The following SLC45A3 variants were observed in gnomAD, a reference collection of about 807,000 sequenced individuals.
The protein encoded by SLC45A3 is solute carrier family 45 member 3.
SLC45A3 carries 17 observed loss-of-function variants against 35.3 expected under a neutral mutation model. The ratio of observed to expected loss-of-function variants is 0.48; its 90% CI spans 0.33 to 0.72. The LOEUF (loss-of-function observed/expected upper bound fraction) is 0.72, where lower values mean the gene tolerates loss of function less well. Among genes scored for constraint, SLC45A3 ranks in the 30% least tolerant of loss-of-function variants. SLC45A3 has a pLI of 0.02. For synonymous variants in SLC45A3, 288 were observed against 334.3 expected, an observed-to-expected ratio of 0.86 and a Z score of 1.51; for missense variants, 597 against 731.7, an observed-to-expected ratio of 0.82 and a Z score of 2.12.
intron 1 of SLC45A3, among the ~76,000 whole-genome samples, chr1:205,665,761 C>G (rs1671108658): frequency 1.3e-5 from 2 of 152,338 alleles, no homozygotes; most frequent in Admixed American, 6.5e-5. Context: ...AAGTCCCACA[C>G]CCCTTCCTGC....
At chr1:205,675,152 C>T (rs1671290001) in intron 1 of SLC45A3, among the ~76,000 whole-genome samples, 1 of 152,236 alleles carries the variant, frequency 6.6e-6, no homozygotes, top group Non-Finnish European at 1.5e-5. Context: ...TCTTCTTGGC[C>T]TCTCCGTTGC....
Position 205,662,164 on chromosome 1 carries a change from G to A in SLC45A3, c.959-38C>T. 1 of 1,589,350 alleles carries A rather than the reference G, an allele frequency of 6.3e-7. No homozygotes were observed. Among genetic ancestry groups the A allele is most frequent in the Non-Finnish European group, 8.6e-7 (1 of 1,166,814 alleles). ...AGGGGCCATCAGACAGAGCCTGGGA[G>A]GGAAGGGTCGGAGCAGTCTCAGGGA... On this transcript the variant is annotated intron_variant, in intron 3 of 4. Coordinates refer to ENST00000367145, the MANE Select transcript of SLC45A3 (RefSeq NM_033102.3). The surrounding 1 kb of genome is among the most constrained non-coding windows in gnomAD (Gnocchi z 6.2).
In SLC45A3 at chr1:205,662,982, G is replaced by A. The variant is rs1477401339; in HGVS notation, c.809C>T (p.Thr270Ile). The A allele has an allele frequency of 1.2e-6, 2 of 1,613,408 alleles. No individual in the cohort carries two copies. The highest frequency in any genetic ancestry group is 1.7e-6 in the Non-Finnish European group (2 of 1,179,828). ...LHQLCCRMPR[T>I]LRRLFVAELC... ...CTCAGCCACGAAGAGCCGGCGCAGG[G>A]TGCGGGGCATGCGGCAGCACAGCTG... Residue 270 changes from threonine to isoleucine, a missense_variant, in exon 3 of 5, where the codon ACC (threonine) becomes ATC (isoleucine). Thr to Ile is a moderately conservative substitution (Grantham distance 89, BLOSUM62 -1). Coordinates refer to ENST00000367145, the MANE Select transcript of SLC45A3 (RefSeq NM_033102.3). The surrounding 1 kb of genome is among the most constrained non-coding windows in gnomAD (Gnocchi z 6.2).
In SLC45A3 at chr1:205,664,558, G is replaced by C. The variant is rs145880163; in HGVS notation, c.99C>G (p.Ala33=). The change falls in exon 2 of 5, where the codon GCC becomes GCG. Residue 33 remains alanine, a synonymous_variant. Transcript: ENST00000367145. This position sits in a 1 kb window ranked among gnomAD's most constrained non-coding sequence, Gnocchi z 5.3. ...LLTFGLEVCL[A]AGITYVPPLL... ...GAGGCGGCACATAGGTGATGCCTGCGGCCAAACACACCTCCAGGCCAAAGG... is the reference window on the plus strand; with the variant it reads ...GAGGCGGCACATAGGTGATGCCTGCCGCCAAACACACCTCCAGGCCAAAGG... The C allele has an allele frequency of 6.2e-7, 1 of 1,614,206 alleles. No homozygotes were observed. The highest frequency in any genetic ancestry group is 1.7e-5 in the Admixed American group (1 of 60,034).
chr1:205,667,122 A>G (rs1048383756), intron 1 of SLC45A3, among the ~76,000 whole-genome samples: 2 of 152,202 alleles, frequency 1.3e-5, no homozygotes, highest in African/African-American at 4.8e-5. Context: ...TAATCTCAGC[A>G]CTTTGGGAGG....
chr1:205,661,819 C>T, intron 4 of SLC45A3, 42 bp downstream of exon 4: 1 of 1,577,800 alleles, frequency 6.3e-7, no homozygotes, highest in Non-Finnish European at 8.6e-7. Flanking sequence ...AAAACCCAGA[C>T]CACCCCTCCC....
intron 4 of SLC45A3, among the ~76,000 whole-genome samples, chr1:205,660,280 C>G (rs1184050469): frequency 6.6e-6 from 1 of 152,130 alleles, no homozygotes; most frequent in Non-Finnish European, 1.5e-5. Flanking sequence ...TGTCCCTCTT[C>G]CCACCTCCCC....
intron 1 of SLC45A3, among the ~76,000 whole-genome samples, chr1:205,678,944 T>A (rs1034305422): frequency 1.3e-5 from 2 of 152,078 alleles, no homozygotes; most frequent in Non-Finnish European, 2.9e-5. Flanking sequence ...TCCTGGGCCC[T>A]CCCACTCCCA....
chr1:205,671,669 G>A (rs1467262311), intron 1 of SLC45A3, among the ~76,000 whole-genome samples: 1 of 152,126 alleles, frequency 6.6e-6, no homozygotes, highest in African/African-American at 2.4e-5. Context: ...ACACCAGCCT[G>A]GCCAAAATGG....
In SLC45A3 at chr1:205,662,116, C is replaced by A. The variant is rs748429832; in HGVS notation, c.969G>T (p.Met323Ile). 6.2e-7 allele frequency: 1 copy of A among 1,612,562 alleles called. No individual in the cohort carries two copies. The highest frequency in any genetic ancestry group is 1.7e-5 in the Admixed American group (1 of 59,960). ...ARRHYDEGVR[M>I]GSLGLFLQCA... ...ACTGCAGGAACAGCCCCAGGCTGCC[C>A]ATCCGAACGCCTGCAGAGGGAGAGG... is the stretch of plus-strand genomic sequence containing the variant. The change falls in exon 4 of 5, where the codon ATG becomes ATT. Residue 323 changes from methionine to isoleucine, a missense_variant. Physicochemically the swap from Met to Ile is conservative, Grantham distance 10 (BLOSUM62 1). Around this residue, in one of 3 missense-constraint regions of SLC45A3, gnomAD observed 555 missense variants for 664.9 expected, o/e 0.83. Transcript: ENST00000367145. The surrounding 1 kb of genome is among the most constrained non-coding windows in gnomAD (Gnocchi z 6.2).
chr1:205,670,319 C>G (rs1284122891), intron 1 of SLC45A3, among the ~76,000 whole-genome samples: 1 of 152,158 alleles, frequency 6.6e-6, no homozygotes, highest in East Asian at 1.9e-4. Flanking sequence ...GACTCCCAAC[C>G]CACTCAGTCT....
Position 205,663,286 on chromosome 1 carries a change from T to C in SLC45A3, c.505A>G (p.Ser169Gly). ...AGGTAGCCCAGGCAGCCCCCAAGACTGATCATGAAGGCATAGACAGAGTAG... is the reference window on the plus strand; with the variant it reads ...AGGTAGCCCAGGCAGCCCCCAAGACCGATCATGAAGGCATAGACAGAGTAG... ...QAYSVYAFMI[S>G]LGGCLGYLLP... The change falls in exon 3 of 5, where the codon AGT becomes GGT. Residue 169 changes from serine (S) to glycine (G), a missense_variant. Physicochemically the swap from Ser to Gly is moderately conservative, Grantham distance 56 (BLOSUM62 0). Around this residue, in one of 3 missense-constraint regions of SLC45A3, gnomAD observed 555 missense variants for 664.9 expected, o/e 0.83. Coordinates refer to ENST00000367145, the MANE Select transcript of SLC45A3 (RefSeq NM_033102.3). 6.2e-7 allele frequency: 1 copy of C among 1,613,376 alleles called. No homozygotes were observed. Among genetic ancestry groups the C allele is most frequent in the East Asian group, 2.2e-5 (1 of 44,864 alleles).
intron 1 of SLC45A3, among the ~76,000 whole-genome samples, chr1:205,668,865 C>G (rs898877378): frequency 6.6e-6 from 1 of 152,096 alleles, no homozygotes; most frequent in African/African-American, 2.4e-5. Flanking sequence ...GGAGCTCTGC[C>G]CCAGGTCATC....
intron 4 of SLC45A3, 119 bp downstream of exon 4, chr1:205,661,742 C>G: frequency 7.1e-7 from 1 of 1,404,518 alleles, no homozygotes; most frequent in Non-Finnish European, 9.5e-7. Flanking sequence ...AGCTTCTTCT[C>G]TGATTCAAAG....
intron 1 of SLC45A3, among the ~76,000 whole-genome samples, chr1:205,671,729 A>G: frequency 6.6e-6 from 1 of 152,084 alleles, no homozygotes; most frequent in Admixed American, 6.6e-5. Context: ...GCCCAGACAT[A>G]GCGGCACATA....
rs576080957 is a variant in SLC45A3 at position 205,678,039 on chromosome 1, G to A, written c.-231+2355C>T. ...CAATATAGAAACTTTCTTTCTGGCC[G>A]GGTGCGGTGGCTCACACCTGTAATC... is the stretch of plus-strand genomic sequence containing the variant. On this transcript the variant is annotated intron_variant, in intron 1 of 4. Coordinates refer to ENST00000367145, the MANE Select transcript of SLC45A3 (RefSeq NM_033102.3). 7.2e-5 allele frequency among the ~76,000 whole-genome samples: 11 copies of A among 152,308 alleles called. No homozygotes were observed. In the South Asian group the frequency reaches 1.0e-3, roughly 14 times the overall value.
Position 205,663,112 on chromosome 1 carries a change from C to T in SLC45A3, c.679G>A (p.Glu227Lys), listed in dbSNP as rs745673426. Reference sequence around the variant, plus strand: ...GGGGCCGACAGCCCTTCTGCTGGCTCGGTGGGGCCCAGCGCTGCCTCCTCA... The same window carrying T: ...GGGGCCGACAGCCCTTCTGCTGGCTTGGTGGGGCCCAGCGCTGCCTCCTCA... The part of the protein sequence containing the change: ...VAEEAALGPT[E>K]PAEGLSAPSL... The change falls in exon 3 of 5, where the codon GAG (glutamate) becomes AAG (lysine). Residue 227 changes from glutamate (E) to lysine (K), a missense_variant. Physicochemically the swap from Glu to Lys is moderately conservative, Grantham distance 56. This residue lies in a region of SLC45A3 where 555 missense variants were observed against 664.9 expected (regional missense o/e 0.83). Transcript: ENST00000367145. 123 of 1,580,420 alleles carry T rather than the reference C, an allele frequency of 7.8e-5. No homozygotes were observed. The highest frequency in any genetic ancestry group is 1.0e-4 in the Non-Finnish European group (117 of 1,170,572).
chr1:205,664,887 C>G lies in SLC45A3; in HGVS notation c.-230-1G>C. ...GGGGACACGTCTCATCACTCAGATCCTAGAAGGGCGGGGCAATCACAAGCA... is the reference window on the plus strand; with the variant it reads ...GGGGACACGTCTCATCACTCAGATCGTAGAAGGGCGGGGCAATCACAAGCA... On this transcript the variant is annotated splice_acceptor_variant, in intron 1 of 4. Coordinates refer to ENST00000367145, the MANE Select transcript of SLC45A3 (RefSeq NM_033102.3). LOFTEE classifies it low-confidence loss of function (5UTR_SPLICE). The surrounding 1 kb of genome is among the most constrained non-coding windows in gnomAD (Gnocchi z 5.3). The G allele has an allele frequency of 7.3e-7, 1 of 1,374,748 alleles. No individual in the cohort carries two copies. Among genetic ancestry groups the G allele is most frequent in the Non-Finnish European group, 9.4e-7 (1 of 1,067,024 alleles). 85.2% of individuals were successfully genotyped at this position (1,374,748 alleles called of 1,614,324 possible).
intron 1 of SLC45A3, among the ~76,000 whole-genome samples, chr1:205,673,029 G>C (rs1254790638): frequency 6.6e-6 from 1 of 152,114 alleles, no homozygotes; most frequent in Non-Finnish European, 1.5e-5. Context: ...AGGGGAATGA[G>C]GTGGAGAAGG....
Sources: gnomAD v4.1 joint callset for allele counts (sites outside exome capture counted in the v4.1 genomes callset) on GRCh38, gnomAD v4.1.1 for gene constraint, gnomAD v4.1.1 regional missense constraint, Gnocchi (gnomAD v3.1) non-coding constraint, MANE v1.5 for transcripts, NCBI Gene and HGNC (gene_info 2026-07-23, HGNC 2026-07-21) for gene names.